The following TRAPPC9 variants were observed in gnomAD, a reference collection of about 807,000 sequenced individuals.
The protein encoded by TRAPPC9 is trafficking protein particle complex subunit 9, also known as IKK2 binding protein.
A neutral mutation model predicts 124.0 loss-of-function variants in TRAPPC9; 83 were observed. The ratio of observed to expected loss-of-function variants is 0.67; its 90% confidence interval spans 0.56 to 0.80. TRAPPC9 has a LOEUF of 0.80. Among genes scored for constraint, TRAPPC9 ranks in the 30% least tolerant of loss-of-function variants. The pLI is 0.00. For synonymous variants in TRAPPC9, 638 were observed against 617.5 expected (o/e 1.03, Z -0.49); for missense variants, 1,302 against 1,508.3 (o/e 0.86, Z 2.27).
At chr8:139,835,089 G>C (rs1315379840) in intron 21 of TRAPPC9, among the ~76,000 whole-genome samples, 1 of 152,184 alleles carries the variant, frequency 6.6e-6, no homozygotes, top group East Asian at 1.9e-4. Context: ...GGTTTCTGTT[G>C]ACTGGGTTTT....
chr8:139,910,339 T>G (rs1300609347), intron 19 of TRAPPC9, 39 bp from the exon 20 acceptor site: 1 of 1,611,382 alleles, frequency 6.2e-7, no homozygotes, highest in Non-Finnish European at 8.5e-7. Flanking sequence ...AATTCATCAG[T>G]AGGGCAATTT....
intron 7 of TRAPPC9, among the ~76,000 whole-genome samples, chr8:140,376,098 A>G (rs928225490): frequency 6.6e-6 from 1 of 152,194 alleles, no homozygotes; most frequent in Non-Finnish European, 1.5e-5. Flanking sequence ...GCATGCACCA[A>G]GGATTTTCCT....
At chr8:140,013,418 C>T (rs1347460902) in intron 18 of TRAPPC9, among the ~76,000 whole-genome samples, 6 of 152,232 alleles carry the variant, frequency 3.9e-5, no homozygotes, top group Non-Finnish European at 7.3e-5. Context: ...GGCTGGTCAA[C>T]GCAAATCTAG....
chr8:139,996,062 TA>T (rs2131750760), intron 18 of TRAPPC9, among the ~76,000 whole-genome samples: 1 of 138,668 alleles, frequency 7.2e-6, no homozygotes, highest in East Asian at 2.3e-4. Flanking sequence ...AAAGAGACTT[TA>T]AATGCATTCC....
chr8:140,439,292 A>C (rs1267846236), intron 2 of TRAPPC9, 95 bp from the exon 3 acceptor site: 1 of 1,412,574 alleles, frequency 7.1e-7, no homozygotes, highest in African/African-American at 1.4e-5. Flanking sequence ...ACTACTAAAA[A>C]TGCTAAGAAG....
intron 17 of TRAPPC9, among the ~76,000 whole-genome samples, chr8:140,154,756 T>G (rs1316779357): frequency 6.6e-6 from 1 of 152,202 alleles, no homozygotes; most frequent in Admixed American, 6.5e-5. Context: ...ATATCCTCAT[T>G]TGAATTAAAT....
intron 17 of TRAPPC9, among the ~76,000 whole-genome samples, chr8:140,195,520 CAA>C (rs1196548519): frequency 6.6e-6 from 1 of 151,692 alleles, no homozygotes; most frequent in Non-Finnish European, 1.5e-5. Context: ...AAAACACACT[CAA>C]TGATCCACTA....
At chr8:139,921,331 C>G (rs1405542340) in intron 19 of TRAPPC9, among the ~76,000 whole-genome samples, 1 of 152,190 alleles carries the variant, frequency 6.6e-6, no homozygotes, top group Admixed American at 6.5e-5. Flanking sequence ...GTTCAGAGAA[C>G]AGCTGTCATC....
At chr8:140,176,702 CATAAGT>C (rs1299117308) in intron 17 of TRAPPC9, among the ~76,000 whole-genome samples, 10 of 152,200 alleles carry the variant, frequency 6.6e-5, no homozygotes, top group Non-Finnish European at 1.5e-4. Context: ...TGGGTCATCA[CATAAGT>C]ATATGTTTAA....
At chr8:140,176,620 G>C (rs2062077571) in intron 17 of TRAPPC9, among the ~76,000 whole-genome samples, 1 of 152,092 alleles carries the variant, frequency 6.6e-6, no homozygotes, top group Non-Finnish European at 1.5e-5. Context: ...AGCTGCTATG[G>C]GCATCGGTCA....
intron 21 of TRAPPC9, among the ~76,000 whole-genome samples, chr8:139,810,177 A>T (rs73726660): frequency 0.021 from 3,134 of 152,288 alleles, 105 homozygotes; most frequent in African/African-American, 0.072. Context: ...AGAGGGCAAC[A>T]AATTTTTGGA....
chr8:140,270,112 A>G (rs1423470671), intron 15 of TRAPPC9, among the ~76,000 whole-genome samples: 3 of 151,836 alleles, frequency 2.0e-5, no homozygotes, highest in Admixed American at 6.6e-5. Context: ...AAAAAAAAAG[A>G]GAAACACCAA....
At chr8:139,988,943 T>C in intron 18 of TRAPPC9, 107 bp from the exon 19 acceptor site, 3 of 760,858 alleles carry the variant, frequency 3.9e-6, no homozygotes, top group Middle Eastern at 4.5e-4. Flanking sequence ...AAGGGCAAAG[T>C]ATATCGAAAT....
chr8:139,829,271 C>T (rs1349559056), intron 21 of TRAPPC9, among the ~76,000 whole-genome samples: 1 of 152,244 alleles, frequency 6.6e-6, no homozygotes, highest in African/African-American at 2.4e-5. Context: ...GGTGCGTGCA[C>T]CACTTTTTAA....
chr8:139,733,723 A>G (rs1385946717), intron 21 of TRAPPC9, among the ~76,000 whole-genome samples: 1 of 152,198 alleles, frequency 6.6e-6, no homozygotes, highest in Non-Finnish European at 1.5e-5. Context: ...TCTGCCCCTT[A>G]ACACAGTCAC....
At chr8:139,768,568 G>T (rs1419702012) in intron 21 of TRAPPC9, among the ~76,000 whole-genome samples, 1 of 152,202 alleles carries the variant, frequency 6.6e-6, no homozygotes, top group Non-Finnish European at 1.5e-5. Context: ...ATCTCTGGAT[G>T]GTGGGATTTC....
intron 2 of TRAPPC9, among the ~76,000 whole-genome samples, chr8:140,447,728 C>T (rs751349652): frequency 6.6e-6 from 1 of 152,194 alleles, no homozygotes; most frequent in South Asian, 2.1e-4. Context: ...ACTGGCCTTA[C>T]ATCTGGACAT....
chr8:140,109,760 C>T (rs769834645), intron 17 of TRAPPC9, among the ~76,000 whole-genome samples: 5 of 152,166 alleles, frequency 3.3e-5, no homozygotes, highest in Admixed American at 1.3e-4. Flanking sequence ...CATTTGCCAA[C>T]CAATAACCTC....
At chr8:140,405,525 T>C in intron 6 of TRAPPC9, 52 bp downstream of exon 6, 1 of 1,605,316 alleles carries the variant, frequency 6.2e-7, no homozygotes. Context: ...AATGGAAACT[T>C]CTGATTAAAC....
Sources: gnomAD v4.1 joint callset for allele counts (sites outside exome capture counted in the v4.1 genomes callset) on GRCh38, gnomAD v4.1.1 for gene constraint, MANE v1.5 for transcripts, NCBI Gene and HGNC (gene_info 2026-07-23, HGNC 2026-07-21) for gene names.